RBFOX1: variants seen among roughly 807,000 people sequenced by gnomAD.
The protein encoded by RBFOX1 is RNA binding fox-1 homolog 1.
RBFOX1 carries 8 observed loss-of-function variants against 57.7 expected under a neutral mutation model. The ratio of observed to expected loss-of-function variants is 0.14; its 90% CI spans 0.08 to 0.25. The LOEUF is 0.25. Among genes scored for constraint, RBFOX1 ranks in the 10% least tolerant of loss-of-function variants. The pLI is 1.00. For synonymous variants in RBFOX1, 326 were observed against 222.4 expected (o/e 1.47, Z -4.15); for missense variants, 611 against 548.5 (o/e 1.11, Z -1.14).
chr16:7,077,854 C>A (rs988235750), intron 4 of RBFOX1, among the ~76,000 whole-genome samples: 1 of 152,112 alleles, frequency 6.6e-6, no homozygotes, highest in Non-Finnish European at 1.5e-5. Flanking sequence ...CAATTTCTCC[C>A]AGTCCATTAG....
chr16:5,721,951 A>G (rs975555849), intron 3 of RBFOX1, among the ~76,000 whole-genome samples: 1 of 152,194 alleles, frequency 6.6e-6, no homozygotes, highest in Non-Finnish European at 1.5e-5. Context: ...GGAGAAAGCT[A>G]CCTGGAAGGT....
chr16:6,863,678 AAAAAAG>A (rs2059397461), intron 3 of RBFOX1, among the ~76,000 whole-genome samples: 1 of 146,560 alleles, frequency 6.8e-6, no homozygotes. Flanking sequence ...CTTAAAAAAA[AAAAAAG>A]AAAAAAAGAA....
At chr16:6,350,601 C>T (rs2152844112) in intron 2 of RBFOX1, among the ~76,000 whole-genome samples, 1 of 151,724 alleles carries the variant, frequency 6.6e-6, no homozygotes, top group Non-Finnish European at 1.5e-5. Context: ...CCAACAATGG[C>T]ATCCATACAT....
chr16:6,296,935 G>A (rs912114730), intron 1 of RBFOX1, among the ~76,000 whole-genome samples: 1 of 152,196 alleles, frequency 6.6e-6, no homozygotes, highest in East Asian at 1.9e-4. Flanking sequence ...AAGGAATAAA[G>A]AATGGTTACT....
intron 4 of RBFOX1, among the ~76,000 whole-genome samples, chr16:5,879,241 T>G (rs528192212): frequency 2.0e-5 from 3 of 152,206 alleles, no homozygotes; most frequent in Non-Finnish European, 4.4e-5. Flanking sequence ...TGAGTTCCAA[T>G]GAGCAAATGC....
At chr16:6,252,088 C>G (rs1051147205) in intron 1 of RBFOX1, among the ~76,000 whole-genome samples, 1 of 152,112 alleles carries the variant, frequency 6.6e-6, no homozygotes, top group Non-Finnish European at 1.5e-5. Flanking sequence ...TAAGCATCCT[C>G]ATGTTCTTCT....
At chr16:7,290,916 A>T (rs1456670710) in intron 4 of RBFOX1, among the ~76,000 whole-genome samples, 1 of 152,200 alleles carries the variant, frequency 6.6e-6, no homozygotes, top group Non-Finnish European at 1.5e-5. Flanking sequence ...ATAAACAGAA[A>T]CACACAGAGG....
At chr16:7,416,785 C>T (rs750649585) in intron 4 of RBFOX1, among the ~76,000 whole-genome samples, 16 of 151,994 alleles carry the variant, frequency 1.1e-4, no homozygotes, top group African/African-American at 1.7e-4. Context: ...ATGACAATGA[C>T]GATAGTGAGT....
At chr16:6,352,721 A>G (rs969316585) in intron 2 of RBFOX1, among the ~76,000 whole-genome samples, 2 of 152,192 alleles carry the variant, frequency 1.3e-5, no homozygotes, top group African/African-American at 4.8e-5. Flanking sequence ...TATCATATTG[A>G]AGCAGCTAAA....
At chr16:5,903,836 G>C (rs1247495150) in intron 4 of RBFOX1, among the ~76,000 whole-genome samples, 1 of 152,082 alleles carries the variant, frequency 6.6e-6, no homozygotes, top group Non-Finnish European at 1.5e-5. Flanking sequence ...TCATTGCGAG[G>C]GACCATAGGA....
At chr16:5,755,135 A>G (rs2053347651) in intron 3 of RBFOX1, among the ~76,000 whole-genome samples, 1 of 107,696 alleles carries the variant, frequency 9.3e-6, no homozygotes, top group African/African-American at 3.7e-5. Context: ...GCCTTCAAGC[A>G]TCTGTTTAAC....
At chr16:7,368,398 A>T (rs1295274029) in intron 4 of RBFOX1, among the ~76,000 whole-genome samples, 6 of 152,158 alleles carry the variant, frequency 3.9e-5, no homozygotes, top group African/African-American at 1.4e-4. Context: ...ACGTATTACC[A>T]GAAAACCAGC....
intron 3 of RBFOX1, among the ~76,000 whole-genome samples, chr16:7,030,895 A>T (rs1351610526): frequency 6.6e-6 from 1 of 152,206 alleles, no homozygotes; most frequent in Non-Finnish European, 1.5e-5. Context: ...AAATGAATCC[A>T]ATCCTTGTCA....
chr16:6,572,968 C>T (rs1031900804), intron 2 of RBFOX1, among the ~76,000 whole-genome samples: 1 of 152,260 alleles, frequency 6.6e-6, no homozygotes, highest in South Asian at 2.1e-4. Flanking sequence ...AAATAAATAC[C>T]TTCCCTCGGG....
intron 3 of RBFOX1, among the ~76,000 whole-genome samples, chr16:5,788,430 A>G (rs1024721223): frequency 4.6e-5 from 7 of 152,222 alleles, no homozygotes; most frequent in Admixed American, 4.6e-4. Context: ...GGAGTTTGAG[A>G]TCAGCCTGGC....
chr16:7,605,647 G>A (rs113578535), intron 9 of RBFOX1, among the ~76,000 whole-genome samples: 111 of 152,078 alleles, frequency 7.3e-4, no homozygotes, highest in South Asian at 2.1e-4. Context: ...TTCTTAGTTC[G>A]GGCAGAAAAT....
chr16:6,106,643 T>C (rs2096383267), intron 1 of RBFOX1, among the ~76,000 whole-genome samples: 3 of 152,086 alleles, frequency 2.0e-5, no homozygotes, highest in Admixed American at 6.5e-5. Context: ...GAAGTATGCA[T>C]ATCATAAGGA....
chr16:6,526,857 A>AAAACAAC (rs1567560941), intron 2 of RBFOX1, among the ~76,000 whole-genome samples: 1 of 130,352 alleles, frequency 7.7e-6, no homozygotes. Flanking sequence ...AAAAAAAAAA[A>AAAACAAC]AACAACCAGA....
At chr16:6,671,172 A>G (rs1034063507) in intron 3 of RBFOX1, among the ~76,000 whole-genome samples, 13 of 152,166 alleles carry the variant, frequency 8.5e-5, no homozygotes, top group African/African-American at 3.1e-4. Context: ...GGACACCTGG[A>G]CTGAGCCACC....
Sources: gnomAD v4.1 joint callset for allele counts (sites outside exome capture counted in the v4.1 genomes callset) on GRCh38, gnomAD v4.1.1 for gene constraint, MANE v1.5 for transcripts, NCBI Gene and HGNC (gene_info 2026-07-23, HGNC 2026-07-21) for gene names.